The following DOCK6 variants were observed in gnomAD, a reference collection of about 807,000 sequenced individuals.
DOCK6 encodes the protein dedicator of cytokinesis 6.
In DOCK6, 167 loss-of-function variants were observed where a neutral mutation model predicts 230.3. That is an observed-to-expected ratio of 0.73 (90% CI 0.64 to 0.82). The LOEUF (loss-of-function observed/expected upper bound fraction) is 0.82. Among genes scored for constraint, DOCK6 ranks in the 40% least tolerant of loss-of-function variants. The pLI, the probability that DOCK6 is intolerant of heterozygous loss-of-function variation, is 0.00. For synonymous variants in DOCK6, 1,148 were observed against 1,185.0 expected (o/e 0.97, Z 0.64); for missense variants, 2,598 against 2,825.8 (o/e 0.92, Z 1.83).
At chr19:11,211,687 C>T (rs1436517304) in intron 37 of DOCK6, 89 bp downstream of exon 37, 2 of 1,073,804 alleles carry the variant, frequency 1.9e-6, no homozygotes, top group Non-Finnish European at 2.7e-6. Context: ...GCTCCCTCCT[C>T]ACCTCCTTAG....
At chr19:11,241,974 G>T in intron 14 of DOCK6, 71 bp downstream of exon 14, 1 of 1,503,008 alleles carries the variant, frequency 6.7e-7, no homozygotes, top group South Asian at 1.3e-5. Flanking sequence ...CCTTGGCTTA[G>T]GGAGACCCCA....
Position 11,209,068 on chromosome 19 carries a change from C to T in DOCK6, c.4787G>A (p.Arg1596Gln), listed in dbSNP as rs761728714. ...ARGYQGSPDL[R>Q]LTWLQNMAGK... Reference sequence around the variant, plus strand: ...GGCCATGTTCTGCAACCAGGTCAGCCGAAGGTCCGGTGAGCCCTGGTAGCC... The same window carrying T: ...GGCCATGTTCTGCAACCAGGTCAGCTGAAGGTCCGGTGAGCCCTGGTAGCC... The change falls in exon 38 of 48, where the codon CGG becomes CAG. Residue 1596 changes from arginine (R) to glutamine (Q), a missense_variant. Transcript: ENST00000294618. The T allele has an allele frequency of 9.3e-6, 15 of 1,612,152 alleles. No individual in the cohort carries two copies. The highest frequency in any genetic ancestry group is 8.9e-5 in the East Asian group (4 of 44,878).
chr19:11,230,295 C>T (rs986906150), intron 22 of DOCK6, among the ~76,000 whole-genome samples: 5 of 152,010 alleles, frequency 3.3e-5, no homozygotes, highest in Admixed American at 6.6e-5. Context: ...GCCGAGATTG[C>T]ACCATTGCAC....
chr19:11,216,769 A>G (rs186997675), intron 30 of DOCK6, 145 bp downstream of exon 30: 15 of 826,872 alleles, frequency 1.8e-5, no homozygotes, highest in Non-Finnish European at 2.7e-5. Context: ...CTCAGCACAG[A>G]AACAGTCCAC....
In DOCK6 at chr19:11,215,463, G is replaced by A. The variant is rs1218218073; in HGVS notation, c.4030C>T (p.Pro1344Ser). 1.2e-6 allele frequency: 2 copies of A among 1,612,384 alleles called. No homozygotes were observed. The highest frequency in any genetic ancestry group is 1.7e-5 in the Admixed American group (1 of 59,966). ...CGCACATTCTCCGGATTCCCAAACG[G>A]GCTCCTCTCTGAGACGCGTGGGTGC... ...EMVRRSRERS[P>S]FGNPENVRWR... Residue 1344 changes from proline (P) to serine (S), a missense_variant, in exon 32 of 48, where the codon CCG (proline) becomes TCG (serine). By Grantham distance (74) the Pro-to-Ser change is moderately conservative (BLOSUM62 -1). Coordinates refer to ENST00000294618, the MANE Select transcript of DOCK6 (RefSeq NM_020812.4).
In DOCK6 at chr19:11,202,743, A is replaced by G. The variant is rs1408949851; in HGVS notation, c.5236-34T>C. 6.2e-7 allele frequency: 1 copy of G among 1,611,172 alleles called. No homozygotes were observed. The highest frequency in any genetic ancestry group is 1.7e-5 in the Admixed American group (1 of 60,016). On this transcript the variant is annotated intron_variant, in intron 41 of 47. Coordinates refer to ENST00000294618, the MANE Select transcript of DOCK6 (RefSeq NM_020812.4). This position sits in a 1 kb window ranked among gnomAD's most constrained non-coding sequence, Gnocchi z 5.3. ...GTGAGAAAGGGTGTGGTTGTCCGGG[A>G]GGCCCCTGCTGGAGGTCTCCCTGCC...
intron 39 of DOCK6, among the ~76,000 whole-genome samples, chr19:11,205,533 CG>C (rs2079244030): frequency 1.3e-5 from 2 of 151,964 alleles, no homozygotes; most frequent in African/African-American, 4.8e-5. Flanking sequence ...TTAGTAGAGA[CG>C]GGGTTTCACC....
intron 34 of DOCK6, among the ~76,000 whole-genome samples, chr19:11,213,831 G>C (rs992444290): frequency 9.3e-4 from 133 of 143,436 alleles, no homozygotes; most frequent in Middle Eastern, 3.8e-3. Context: ...GGCTCTCACT[G>C]TGTTGCCCAG....
Position 11,243,316 on chromosome 19 carries a change from G to A in DOCK6, c.1328C>T (p.Ala443Val), listed in dbSNP as rs754165446. Residue 443 changes from alanine to valine, a missense_variant, in exon 12 of 48, where the codon GCC (alanine) becomes GTC (valine). Ala to Val is a moderately conservative substitution (Grantham distance 64). Transcript: ENST00000294618. The surrounding 1 kb of genome is among the most constrained non-coding windows in gnomAD (Gnocchi z 6.3). Reference protein sequence around the residue: ...PQDRASSGDDACSFSGFRPAT... With the variant: ...PQDRASSGDDVCSFSGFRPAT... ...TGGACGGAAGCCAGAGAAGCTGCAG[G>A]CGTCGTCCCCACTACTCGCCCGGTC... The A allele has an allele frequency of 6.9e-6, 11 of 1,601,230 alleles. No individual in the cohort carries two copies. The highest frequency in any genetic ancestry group is 9.4e-6 in the Non-Finnish European group (11 of 1,174,772).
chr19:11,237,623 A>C lies in DOCK6; in HGVS notation c.1971+18T>G. The stretch of plus-strand genomic sequence containing the variant: ...GGACGAGGAGGGCTCAGGGGGAGGG[A>C]GGGAGGGGACGGCTCACAGTAAAGC... On this transcript the variant is annotated intron_variant, in intron 17 of 47. Transcript: ENST00000294618. 1 of 216,196 alleles carries C rather than the reference A, an allele frequency of 4.6e-6. No homozygotes were observed. The highest frequency in any genetic ancestry group is 8.4e-6 in the Non-Finnish European group (1 of 118,898). 13.4% of individuals were successfully genotyped at this position (216,196 alleles called of 1,614,324 possible).
At chr19:11,251,506 T>G (rs2080117030) in intron 5 of DOCK6, 1 of 162,328 alleles carries the variant, frequency 6.2e-6, no homozygotes, top group Admixed American at 5.9e-5. Context: ...TCTGTGACAC[T>G]GGGTCTCTGA....
Position 11,201,746 on chromosome 19 carries a change from AG to A in DOCK6, c.5688+142del. On this transcript the variant is annotated intron_variant, in intron 44 of 47. Transcript: ENST00000294618. This position sits in a 1 kb window ranked among gnomAD's most constrained non-coding sequence, Gnocchi z 4.3. ...CCTCCCCTCCCTGGGGATCTGGTCT[AG>A]GGTCCCTGTGCCACCCCTCTCTGGG... The A allele has an allele frequency of 1.3e-6, 1 of 753,888 alleles. No individual in the cohort carries two copies. Among genetic ancestry groups the A allele is most frequent in the Non-Finnish European group, 2.1e-6 (1 of 467,158 alleles). 46.7% of individuals were successfully genotyped at this position (753,888 alleles called of 1,614,324 possible).
At chr19:11,212,363 T>A (rs1440993838) in intron 35 of DOCK6, among the ~76,000 whole-genome samples, 3 of 152,024 alleles carry the variant, frequency 2.0e-5, no homozygotes, top group African/African-American at 7.3e-5. Flanking sequence ...TGCCTCAGCC[T>A]CCCGAGTAGC....
In DOCK6 at chr19:11,217,057, G is replaced by A. The variant is rs374788052; in HGVS notation, c.3751C>T (p.Arg1251Trp). 74 of 1,613,294 alleles carry A rather than the reference G, an allele frequency of 4.6e-5. No homozygotes were observed. The highest frequency in any genetic ancestry group is 9.3e-5 in the African/African-American group (7 of 74,928). The stretch of plus-strand genomic sequence containing the variant: ...CACAGCACACACGCCAGCAAGGTCC[G>A]GCTTGACTCAGCAGAGAGGGCACAG... ...AGCALSAESS[R>W]TLLACVLWVL... Residue 1251 changes from arginine to tryptophan, a missense_variant, in exon 30 of 48, where the codon CGG (arginine) becomes TGG (tryptophan). Arg to Trp is a moderately radical substitution (Grantham distance 101). Coordinates refer to ENST00000294618, the MANE Select transcript of DOCK6 (RefSeq NM_020812.4).
Position 11,200,973 on chromosome 19 carries a change from T to A in DOCK6, c.5768A>T (p.Asp1923Val). Reference protein sequence around the residue: ...TRELAFATEQDPPDAKMLQMV... With the variant: ...TRELAFATEQVPPDAKMLQMV... ...CTGTAGCATCTTAGCATCTGGTGGG[T>A]CCTGCTCGGTGGCAAAGGCCAGCTC... Residue 1923 changes from aspartate (D) to valine (V), a missense_variant, in exon 45 of 48, where the codon GAC (aspartate) becomes GTC (valine). By Grantham distance (152) the Asp-to-Val change is radical. Transcript: ENST00000294618. The surrounding 1 kb of genome is among the most constrained non-coding windows in gnomAD (Gnocchi z 4.3). 1.9e-6 allele frequency: 3 copies of A among 1,613,876 alleles called. No individual in the cohort carries two copies. The highest frequency in any genetic ancestry group is 2.5e-6 in the Non-Finnish European group (3 of 1,179,852).
rs373227793 is a variant in DOCK6, at chr19:11,243,924, C to T, written c.1024-42G>A. 15 of 1,568,276 alleles carry T rather than the reference C, an allele frequency of 9.6e-6. No homozygotes were observed. Among genetic ancestry groups the T allele is most frequent in the East Asian group, 2.4e-5 (1 of 42,430 alleles). On this transcript the variant is annotated intron_variant, in intron 9 of 47. Transcript: ENST00000294618. The surrounding 1 kb of genome is among the most constrained non-coding windows in gnomAD (Gnocchi z 6.3). Reference sequence around the variant, plus strand: ...TGAATCCAGTGAGGCGCTGCCCGAACGCTCTGTTCCCCCGTGCTGGCTCCC... The same window carrying T: ...TGAATCCAGTGAGGCGCTGCCCGAATGCTCTGTTCCCCCGTGCTGGCTCCC...
chr19:11,218,979 A>G (rs2079538577), intron 28 of DOCK6, among the ~76,000 whole-genome samples: 1 of 138,464 alleles, frequency 7.2e-6, no homozygotes, highest in South Asian at 2.2e-4. Context: ...CCCAGGTTCT[A>G]GTGATTCTCC....
chr19:11,234,933 G>T (rs1445172024), intron 21 of DOCK6, among the ~76,000 whole-genome samples: 1 of 151,926 alleles, frequency 6.6e-6, no homozygotes, highest in African/African-American at 2.4e-5. Context: ...TCTTCTCCCA[G>T]ATCTTTCTTT....
Position 11,251,106 on chromosome 19 carries a change from A to G in DOCK6, c.508-20T>C, listed in dbSNP as rs370664789. 30 of 1,598,094 alleles carry G rather than the reference A, an allele frequency of 1.9e-5. No individual in the cohort carries two copies. Among genetic ancestry groups the G allele is most frequent in the Non-Finnish European group, 2.4e-5 (28 of 1,171,818 alleles). On this transcript the variant is annotated intron_variant, in intron 5 of 47. Transcript: ENST00000294618. ...GTCATTCTGCCAGTGGAGAATGTGC[A>G]AGCACTGAGTGCCAGCTGTATACAC...
Sources: gnomAD v4.1 joint callset for allele counts (sites outside exome capture counted in the v4.1 genomes callset) on GRCh38, gnomAD v4.1.1 for gene constraint, Gnocchi (gnomAD v3.1) non-coding constraint, MANE v1.5 for transcripts, NCBI Gene and HGNC (gene_info 2026-07-23, HGNC 2026-07-21) for gene names.